The following PCDHGA6 variants were observed in gnomAD, a reference collection of about 807,000 sequenced individuals.
The protein encoded by PCDHGA6 is protocadherin gamma subfamily A, 6.
Under a neutral mutation model 60.6 loss-of-function variants are expected in PCDHGA6, and 41 were observed. The observed-to-expected ratio is 0.68, with a 90% CI of 0.53 to 0.88. PCDHGA6 has a LOEUF of 0.88. Ranked by LOEUF, PCDHGA6 falls within the 40% of genes least tolerant of loss-of-function variation. The pLI is 0.00. For missense variants in PCDHGA6, 1,312 were observed against 1,203.0 expected (o/e 1.09, Z -1.34); for synonymous variants, 594 against 524.4 (o/e 1.13, Z -1.81).
intron 1 of PCDHGA6, chr5:141,419,479 C>T (rs764891283): frequency 6.2e-7 from 1 of 1,612,390 alleles, no homozygotes; most frequent in Non-Finnish European, 8.5e-7. Context: ...AGGGCTCGCC[C>T]GCGCTCAGCG....
intron 1 of PCDHGA6, chr5:141,415,797 C>G (rs940812419): frequency 3.9e-5 from 52 of 1,331,434 alleles, no homozygotes; most frequent in Non-Finnish European, 4.8e-5. Context: ...TTCACCTAGT[C>G]TCAATCAAGG....
intron 1 of PCDHGA6, among the ~76,000 whole-genome samples, chr5:141,469,061 G>C (rs960166489): frequency 1.3e-5 from 2 of 152,010 alleles, no homozygotes; most frequent in African/African-American, 4.8e-5. Flanking sequence ...AGGATTGCTT[G>C]AGCCTAGGAG....
intron 1 of PCDHGA6, chr5:141,441,678 G>A (rs952726158): frequency 3.4e-6 from 1 of 292,424 alleles, no homozygotes; most frequent in Non-Finnish European, 6.7e-6. Flanking sequence ...GTGCGCCTTC[G>A]ACCAAGAGCA....
At chr5:141,398,045 G>A (rs2093604271) in intron 1 of PCDHGA6, 1 of 1,498,158 alleles carries the variant, frequency 6.7e-7, no homozygotes. Flanking sequence ...AAGCCCGTTC[G>A]GAGATCCAAA....
chr5:141,413,461 C>T, intron 1 of PCDHGA6: 2 of 1,614,082 alleles, frequency 1.2e-6, no homozygotes, highest in Non-Finnish European at 1.7e-6. Context: ...CAGGATAGAC[C>T]GGGAGGAGCT....
At chr5:141,409,243 AATC>A in intron 1 of PCDHGA6, 1 of 1,614,032 alleles carries the variant, frequency 6.2e-7, no homozygotes, top group South Asian at 1.1e-5. Context: ...GCCCAGAAAT[AATC>A]ATCACTTCTC....
intron 2 of PCDHGA6, among the ~76,000 whole-genome samples, chr5:141,501,890 A>G (rs1046816316): frequency 6.6e-6 from 1 of 151,980 alleles, no homozygotes; most frequent in Non-Finnish European, 1.5e-5. Flanking sequence ...CCTGATCATC[A>G]TGGTTCCAAC....
chr5:141,428,167 G>GCGTGA (rs746443726), intron 1 of PCDHGA6: 3 of 1,548,998 alleles, frequency 1.9e-6, no homozygotes, highest in South Asian at 1.1e-5. Context: ...TGGTTGCTGT[G>GCGTGA]CGTGACGGAG....
intron 1 of PCDHGA6, chr5:141,388,959 G>C: frequency 6.2e-7 from 1 of 1,613,996 alleles, no homozygotes; most frequent in Non-Finnish European, 8.5e-7. Flanking sequence ...GGAGGACGCC[G>C]AGCTGGGAAC....
chr5:141,405,050 G>T, intron 1 of PCDHGA6: 1 of 1,613,866 alleles, frequency 6.2e-7, no homozygotes, highest in South Asian at 1.1e-5. Flanking sequence ...TGTGGCAGTC[G>T]TCTCCTGTGT....
chr5:141,433,140 C>T (rs1394486228), intron 1 of PCDHGA6: 4 of 1,613,948 alleles, frequency 2.5e-6, no homozygotes, highest in African/African-American at 1.3e-5. Flanking sequence ...CTTTTGCTGT[C>T]AGGTGATTCG....
At chr5:141,419,436 G>T (rs756968644) in intron 1 of PCDHGA6, 1 of 1,613,144 alleles carries the variant, frequency 6.2e-7, no homozygotes, top group East Asian at 2.2e-5. Context: ...GAGCAGCTGC[G>T]CACCTTCGAG....
At chr5:141,398,071 G>C in intron 1 of PCDHGA6, 1 of 1,587,000 alleles carries the variant, frequency 6.3e-7, no homozygotes, top group South Asian at 1.1e-5. Context: ...ACAATACAGA[G>C]GTTATTTGTA....
intron 1 of PCDHGA6, among the ~76,000 whole-genome samples, chr5:141,406,812 T>G (rs528041804): frequency 6.6e-6 from 1 of 152,350 alleles, no homozygotes; most frequent in East Asian, 1.9e-4. Context: ...CTCCAACTTT[T>G]GAGTCTAGAA....
At chr5:141,387,385 T>C (rs998102373) in intron 1 of PCDHGA6, among the ~76,000 whole-genome samples, 4 of 152,206 alleles carry the variant, frequency 2.6e-5, no homozygotes, top group African/African-American at 9.6e-5. Flanking sequence ...TTTATATAGA[T>C]AGTGCATGTT....
intron 1 of PCDHGA6, chr5:141,421,492 G>C: frequency 1.7e-5 from 28 of 1,614,106 alleles, no homozygotes; most frequent in Non-Finnish European, 2.3e-5. Flanking sequence ...GATCACGGCA[G>C]GCAGGATAGA....
At chr5:141,425,640 C>G (rs2096886863) in intron 1 of PCDHGA6, among the ~76,000 whole-genome samples, 1 of 152,206 alleles carries the variant, frequency 6.6e-6, no homozygotes, top group Non-Finnish European at 1.5e-5. Flanking sequence ...TCTGATAAAA[C>G]TAGGAGGAAA....
rs1036779864 is a variant in PCDHGA6 at position 141,379,823 on chromosome 5, T to C, written c.2424+3316T>C. 3.3e-5 allele frequency among the ~76,000 whole-genome samples: 5 copies of C among 150,450 alleles called. No homozygotes were observed. In the East Asian group the frequency reaches 9.7e-4, roughly 29 times the overall value. On this transcript the variant is annotated intron_variant, in intron 1 of 3. Transcript: ENST00000517434. ...GTTTTGAGAGTTCAGTATAGAATTT[T>C]GAAGCATCAGGAAAAAAAACTACCA... is the stretch of plus-strand genomic sequence containing the variant.
At chr5:141,389,354 G>A in intron 1 of PCDHGA6, 5 of 1,613,934 alleles carry the variant, frequency 3.1e-6, no homozygotes, top group African/African-American at 2.7e-5. Flanking sequence ...ACTGCATCAT[G>A]GCCAGTGACC....
Sources: allele counts gnomAD v4.1 joint callset (sites outside exome capture counted in the v4.1 genomes callset), GRCh38; gene constraint gnomAD v4.1.1; transcripts MANE v1.5; gene names NCBI Gene and HGNC (gene_info 2026-07-23, HGNC 2026-07-21).